Variants in PLPP3 observed in about 807,000 individuals in gnomAD.
The protein encoded by PLPP3 is PAP2 beta.
In PLPP3, 6 loss-of-function variants were observed where a neutral mutation model predicts 29.6. The observed-to-expected ratio is 0.20, with a 90% CI of 0.11 to 0.40. The LOEUF is 0.40. PLPP3 is among the 10% of genes least tolerant of loss of function. The pLI is 1.00. For synonymous variants in PLPP3, 152 were observed against 159.7 expected, an observed-to-expected ratio of 0.95 and a Z score of 0.36; for missense variants, 308 against 407.7, an observed-to-expected ratio of 0.76 and a Z score of 2.11.
rs77145669 is a variant in PLPP3 at position 56,574,381 on chromosome 1, C to G, written c.139+4497G>C. Among the ~76,000 whole-genome samples the G allele has an allele frequency of 7.8e-4, 119 of 152,190 alleles. 2 individuals are homozygous for G. In the East Asian group the frequency reaches 0.021, roughly 27 times the overall value. ...CCTCCTGCCTCAGCCTCCCAAGAAG[C>G]TGGGCTACAGCTACAGGCTTGCACC... On this transcript the variant is annotated intron_variant, in intron 1 of 5. Transcript: ENST00000371250.
rs566031524 is a variant in PLPP3, at chr1:56,524,900, G to T, written c.298-346C>A. On this transcript the variant is annotated intron_variant, in intron 2 of 5. Coordinates refer to ENST00000371250, the MANE Select transcript of PLPP3 (RefSeq NM_003713.5). The surrounding 1 kb of genome is among the most constrained non-coding windows in gnomAD (Gnocchi z 4.3). ...AAGAAATACTAAATGAAGAATCAAC[G>T]ACAAGGTAAAGGGTAGCTATGATGT... 6.6e-6 allele frequency among the ~76,000 whole-genome samples: 1 copy of T among 151,836 alleles called. No individual in the cohort carries two copies. The highest frequency in any genetic ancestry group is 1.5e-5 in the Non-Finnish European group (1 of 67,990).
At chr1:56,503,789 T>C (rs1228113691) in intron 5 of PLPP3, among the ~76,000 whole-genome samples, 3 of 152,186 alleles carry the variant, frequency 2.0e-5, no homozygotes, top group African/African-American at 7.2e-5. Context: ...TTCATTCAGT[T>C]ATTTATTTTG....
In PLPP3 at chr1:56,578,783, GGCGCGGCGCGGCGCT is replaced by G. The variant is rs968317056; in HGVS notation, c.139+80_139+94del. 1.3e-3 allele frequency: 1,659 copies of G among 1,233,080 alleles called. 20 individuals are homozygous for G. In the African/African-American group the frequency reaches 0.023, roughly 17 times the overall value. 76.4% of individuals were successfully genotyped at this position (1,233,080 alleles called of 1,614,324 possible). On this transcript the variant is annotated intron_variant, in intron 1 of 5. Coordinates refer to ENST00000371250, the MANE Select transcript of PLPP3 (RefSeq NM_003713.5). ...GGGGGCCCCCCGGAGCTGACGGCGC[GGCGCGGCGCGGCGCT>G]GCGCGGCCCCGGACTGGGCTGGGAC... is the stretch of plus-strand genomic sequence containing the variant.
intron 5 of PLPP3, among the ~76,000 whole-genome samples, chr1:56,506,590 C>A (rs1341746744): frequency 6.6e-6 from 1 of 152,204 alleles, no homozygotes; most frequent in Non-Finnish European, 1.5e-5. Context: ...CCTCCCCTGA[C>A]CCCTCCCAGG....
chr1:56,542,119 T>C (rs72664355), intron 1 of PLPP3, among the ~76,000 whole-genome samples: 9,929 of 152,202 alleles, frequency 0.065, 390 homozygotes, highest in Middle Eastern at 0.1. Context: ...ATGAACTCAC[T>C]GACAAACACT....
chr1:56,572,466 A>G (rs2100310860), intron 1 of PLPP3, among the ~76,000 whole-genome samples: 1 of 152,288 alleles, frequency 6.6e-6, no homozygotes, highest in African/African-American at 2.4e-5. Context: ...TTCCTAAGGC[A>G]TATCTGTCTT....
Position 56,524,171 on chromosome 1 carries a change from T to G in PLPP3, c.575+106A>C. ...CTGTGAGTTCCTCAAGAATAGGAAC[T>G]ATGCCTTATTCACCCATCTAAACCA... On this transcript the variant is annotated intron_variant, in intron 3 of 5. Coordinates refer to ENST00000371250, the MANE Select transcript of PLPP3 (RefSeq NM_003713.5). The surrounding 1 kb of genome is among the most constrained non-coding windows in gnomAD (Gnocchi z 4.3). 7.4e-7 allele frequency: 1 copy of G among 1,359,644 alleles called. No individual in the cohort carries two copies. Among genetic ancestry groups the G allele is most frequent in the Non-Finnish European group, 1.0e-6 (1 of 983,066 alleles). 84.2% of individuals were successfully genotyped at this position (1,359,644 alleles called of 1,614,324 possible). A position where few individuals can be genotyped will look rare whatever the true frequency, so the allele number is the denominator to read the frequency against.
chr1:56,566,712 G>A lies in PLPP3; in HGVS notation c.139+12166C>T, dbSNP rs569489576. The stretch of plus-strand genomic sequence containing the variant: ...CATGTGAAGCACCTAACAATAAATG[G>A]GGATCCCTTTTCCTCACCCTTTTGT... On this transcript the variant is annotated intron_variant, in intron 1 of 5. Transcript: ENST00000371250. 2.0e-5 allele frequency among the ~76,000 whole-genome samples: 3 copies of A among 152,212 alleles called. No homozygotes were observed. In the South Asian group the frequency reaches 6.2e-4, roughly 32 times the overall value.
In PLPP3 at chr1:56,578,908, T is replaced by A; in HGVS notation, c.109A>T (p.Ile37Phe). 1 of 1,601,702 alleles carries A rather than the reference T, an allele frequency of 6.2e-7. No individual in the cohort carries two copies. The highest frequency in any genetic ancestry group is 8.5e-7 in the Non-Finnish European group (1 of 1,175,634). The change falls in exon 1 of 6, where the codon ATC becomes TTC. Residue 37 changes from isoleucine (I) to phenylalanine (F), a missense_variant. This residue lies in a region of PLPP3 where 67 missense variants were observed against 61.3 expected (regional missense o/e 1.09). Transcript: ENST00000371250. Reference protein sequence around the residue: ...RRSGSKRVLLICLDLFCLFMA... With the variant: ...RRSGSKRVLLFCLDLFCLFMA... Reference sequence around the variant, plus strand: ...AAGAGGCAGAAGAGGTCGAGGCAGATGAGCAGCACCCGCTTGCTGCCGCTC... The same window carrying A: ...AAGAGGCAGAAGAGGTCGAGGCAGAAGAGCAGCACCCGCTTGCTGCCGCTC...
At chr1:56,565,699 G>A (rs1420540039) in intron 1 of PLPP3, among the ~76,000 whole-genome samples, 1 of 152,166 alleles carries the variant, frequency 6.6e-6, no homozygotes, top group Non-Finnish European at 1.5e-5. Context: ...GGGATTACAG[G>A]TGTGAGCCAC....
rs190738006 is a variant in PLPP3, at chr1:56,536,956, G to A, written c.296C>T (p.Ala99Val). 19 of 1,613,504 alleles carry A rather than the reference G, an allele frequency of 1.2e-5. No homozygotes were observed. The East Asian group carries it at 2.2e-4, about 19-fold the overall frequency. ...CAVGIVIAIL[A>V]IITGEFYRIY... ...CCATAGCAGAGTCTGGACACTTACC[G>A]CGAGGATGGCAATGACGATCCCCAC... Residue 99 changes from alanine (A) to valine (V), a missense_variant and splice_region_variant, in exon 2 of 6, where the codon GCG becomes GTG. Physicochemically the swap from Ala to Val is moderately conservative, Grantham distance 64 (BLOSUM62 0). Transcript: ENST00000371250.
At chr1:56,534,297 A>G (rs1459950215) in intron 2 of PLPP3, among the ~76,000 whole-genome samples, 1 of 152,180 alleles carries the variant, frequency 6.6e-6, no homozygotes, top group East Asian at 1.9e-4. Context: ...GATACATCTG[A>G]AAAAGAGGTC....
intron 5 of PLPP3, among the ~76,000 whole-genome samples, chr1:56,499,960 C>T (rs1363986232): frequency 5.3e-5 from 8 of 152,184 alleles, no homozygotes; most frequent in East Asian, 1.9e-4. Context: ...CACAATCCTA[C>T]TCCACAGATC....
intron 4 of PLPP3, among the ~76,000 whole-genome samples, chr1:56,517,839 C>T (rs1386210127): frequency 6.6e-6 from 1 of 152,204 alleles, no homozygotes; most frequent in Non-Finnish European, 1.5e-5. Context: ...CATCAACCTC[C>T]ACATTTGAAA....
At chr1:56,534,274 T>A (rs1262327049) in intron 2 of PLPP3, among the ~76,000 whole-genome samples, 1 of 152,220 alleles carries the variant, frequency 6.6e-6, no homozygotes, top group African/African-American at 2.4e-5. Context: ...TATGCTATAA[T>A]TCCAGAATCT....
chr1:56,541,421 G>A (rs1465781833), intron 1 of PLPP3, among the ~76,000 whole-genome samples: 2 of 152,198 alleles, frequency 1.3e-5, no homozygotes, highest in Non-Finnish European at 2.9e-5. Context: ...AAGTTAGTAT[G>A]TGCCCAAACT....
intron 1 of PLPP3, among the ~76,000 whole-genome samples, chr1:56,552,170 A>G (rs1435389128): frequency 6.6e-6 from 1 of 151,284 alleles, no homozygotes; most frequent in East Asian, 1.9e-4. Context: ...ATTGGGGATT[A>G]TCCTCTGGAC....
chr1:56,538,457 A>C (rs146583563), intron 1 of PLPP3: 2 of 449,444 alleles, frequency 4.4e-6, no homozygotes, highest in African/African-American at 4.0e-5. Context: ...CCAAAATGAC[A>C]AACACAAAGG....
chr1:56,526,940 T>A (rs924902478), intron 2 of PLPP3, among the ~76,000 whole-genome samples: 1 of 152,210 alleles, frequency 6.6e-6, no homozygotes, highest in South Asian at 2.1e-4. Context: ...TGCTACAGAT[T>A]AAGGAACTGT....
Sources: allele counts gnomAD v4.1 joint callset (sites outside exome capture counted in the v4.1 genomes callset), GRCh38; gene constraint gnomAD v4.1.1; regional missense constraint gnomAD v4.1.1; non-coding constraint Gnocchi (gnomAD v3.1); transcripts MANE v1.5; gene names NCBI Gene and HGNC (gene_info 2026-07-23, HGNC 2026-07-21).